JMJD1C: variants seen among roughly 807,000 people sequenced by gnomAD.
JMJD1C encodes the protein jumonji domain containing 1C, also known as jumonji domain-containing protein 1C.
JMJD1C carries 31 observed loss-of-function variants against 245.3 expected under a neutral mutation model. The ratio of observed to expected loss-of-function variants is 0.13; its 90% CI spans 0.09 to 0.17. The LOEUF (loss-of-function observed/expected upper bound fraction) is 0.17, where lower values mean the gene tolerates loss of function less well. Ranked by LOEUF, JMJD1C falls within the 10% of genes least tolerant of loss-of-function variation. The pLI is 1.00. For synonymous variants in JMJD1C, 1,057 were observed against 1,017.4 expected, an observed-to-expected ratio of 1.04 and a Z score of -0.74; for missense variants, 2,691 against 3,000.2, an observed-to-expected ratio of 0.90 and a Z score of 2.41.
intron 3 of JMJD1C, among the ~76,000 whole-genome samples, chr10:63,240,626 G>C (rs1851364943): frequency 1.3e-5 from 2 of 152,168 alleles, no homozygotes; most frequent in Admixed American, 1.3e-4. Flanking sequence ...TGAAGGAAAG[G>C]AGTAAGATAA....
At chr10:63,511,170 A>T (rs1954860622) in intron 1 of JMJD1C, among the ~76,000 whole-genome samples, 1 of 152,204 alleles carries the variant, frequency 6.6e-6, no homozygotes, top group Non-Finnish European at 1.5e-5. Flanking sequence ...CACAGTGATT[A>T]TTGATATAGT....
upstream of JMJD1C, among the ~76,000 whole-genome samples, chr10:63,467,296 C>T (rs1483732308): frequency 1.3e-5 from 2 of 152,090 alleles, no homozygotes; most frequent in African/African-American, 2.4e-5. Flanking sequence ...GTCGGGAGTT[C>T]GAGACCAGCC....
At chr10:63,503,316 T>C (rs1011252738) in intron 1 of JMJD1C, among the ~76,000 whole-genome samples, 2 of 152,234 alleles carry the variant, frequency 1.3e-5, no homozygotes, top group African/African-American at 4.8e-5. Context: ...GTATAGATAC[T>C]AATATGTTGC....
rs562445796 is a variant in JMJD1C, at chr10:63,345,385, G to T, written c.333+34933C>A. Among the ~76,000 whole-genome samples the T allele has an allele frequency of 2.6e-5, 4 of 151,618 alleles. No individual in the cohort carries two copies. In the East Asian group the frequency reaches 7.8e-4, roughly 29 times the overall value. On this transcript the variant is annotated intron_variant, in intron 2 of 25. Transcript: ENST00000399262. ...ACCTGTAATCCCAGCTACTCGGGAA[G>T]CTAAGGAAGGAGAATCGCTTGAACC...
intron 3 of JMJD1C, among the ~76,000 whole-genome samples, chr10:63,233,970 G>A (rs1850339548): frequency 1.3e-5 from 2 of 151,988 alleles, no homozygotes; most frequent in South Asian, 4.1e-4. Flanking sequence ...TTTATTCACA[G>A]TAATACTAAT....
At position 63,300,845 on chromosome 10, in the gene JMJD1C, A is replaced by G. The variant is rs1390740901; in HGVS notation, c.334-36081T>C. ...AGAAAGGGGTTGCAGTGAGCCAAGA[A>G]CACACCACTGCACTCTGGCTTGGGC... On this transcript the variant is annotated intron_variant, in intron 2 of 25. Transcript: ENST00000399262. Among the ~76,000 whole-genome samples the G allele has an allele frequency of 5.9e-5, 9 of 151,824 alleles. 2 individuals are homozygous for G. In the South Asian group the frequency reaches 1.9e-3, roughly 32 times the overall value.
chr10:63,383,644 G>A (rs1430414831), intron 1 of JMJD1C, among the ~76,000 whole-genome samples: 4 of 152,012 alleles, frequency 2.6e-5, no homozygotes, highest in Non-Finnish European at 5.9e-5. Context: ...AGGCTGCAAT[G>A]AGCCATGATC....
chr10:63,384,410 A>G (rs1947433209), intron 1 of JMJD1C, among the ~76,000 whole-genome samples: 2 of 152,238 alleles, frequency 1.3e-5, no homozygotes, highest in African/African-American at 2.4e-5. Context: ...TTCTTAAATA[A>G]TAAGACTTGA....
chr10:63,264,807 G>C (rs781023105), intron 2 of JMJD1C, 43 bp from the exon 3 acceptor site: 4 of 893,376 alleles, frequency 4.5e-6, no homozygotes, highest in East Asian at 2.4e-5. Context: ...TTTCTGGGTA[G>C]TATCCTGAAA....
chr10:63,476,532 G>A (rs1953666797), intron 1 of JMJD1C, among the ~76,000 whole-genome samples: 1 of 151,922 alleles, frequency 6.6e-6, no homozygotes, highest in South Asian at 2.1e-4. Context: ...AGACCAGCCT[G>A]GGCAACACAG....
At chr10:63,512,135 C>T (rs374531064) in intron 1 of JMJD1C, among the ~76,000 whole-genome samples, 1 of 152,176 alleles carries the variant, frequency 6.6e-6, no homozygotes, top group African/African-American at 2.4e-5. Context: ...TGTATAGATA[C>T]ACACACATAT....
At chr10:63,387,849 AT>A (rs1226626222) in intron 1 of JMJD1C, among the ~76,000 whole-genome samples, 1 of 151,610 alleles carries the variant, frequency 6.6e-6, no homozygotes, top group South Asian at 2.1e-4. Context: ...GTTAGCCAGG[AT>A]GGTCTTGATC....
intron 1 of JMJD1C, among the ~76,000 whole-genome samples, chr10:63,418,008 A>AAG (rs1312146270): frequency 1.3e-3 from 196 of 152,316 alleles, no homozygotes; most frequent in Admixed American, 2.4e-3. Flanking sequence ...TTGAGACTGC[A>AAG]TTAAATATTT....
intron 24 of JMJD1C, 152 bp downstream of exon 24, chr10:63,176,145 C>A: frequency 2.0e-6 from 1 of 504,088 alleles, no homozygotes; most frequent in Non-Finnish European, 3.5e-6. Flanking sequence ...TTTCTGCAAG[C>A]ACTGAGATGT....
upstream of JMJD1C, among the ~76,000 whole-genome samples, chr10:63,467,567 C>G (rs1023777032): frequency 6.6e-6 from 1 of 152,160 alleles, no homozygotes; most frequent in African/African-American, 2.4e-5. Flanking sequence ...AAAACATACC[C>G]AAAAATGCAT....
chr10:63,393,973 G>A (rs1345914286), intron 1 of JMJD1C, among the ~76,000 whole-genome samples: 1 of 152,032 alleles, frequency 6.6e-6, no homozygotes, highest in Non-Finnish European at 1.5e-5. Context: ...CTGAGGTCGA[G>A]AGGAGTTCGA....
chr10:63,359,360 A>G (rs1945132655), intron 2 of JMJD1C, among the ~76,000 whole-genome samples: 1 of 152,272 alleles, frequency 6.6e-6, no homozygotes, highest in South Asian at 2.1e-4. Flanking sequence ...GACGTTTTAC[A>G]GAGAATTTAT....
At chr10:63,237,548 T>TG (rs1850893858) in intron 3 of JMJD1C, among the ~76,000 whole-genome samples, 1 of 152,218 alleles carries the variant, frequency 6.6e-6, no homozygotes, top group African/African-American at 2.4e-5. Flanking sequence ...CAGCAAGACT[T>TG]GCTAGACTTG....
chr10:63,247,676 G>A (rs932921967), intron 3 of JMJD1C, among the ~76,000 whole-genome samples: 1 of 137,138 alleles, frequency 7.3e-6, no homozygotes, highest in African/African-American at 2.8e-5. Context: ...AGACTGCAGT[G>A]AGCCAAGACT....
Sources: gnomAD v4.1 joint callset for allele counts (sites outside exome capture counted in the v4.1 genomes callset) on GRCh38, gnomAD v4.1.1 for gene constraint, MANE v1.5 for transcripts, NCBI Gene and HGNC (gene_info 2026-07-23, HGNC 2026-07-21) for gene names.